RBMS3: variants seen among roughly 807,000 people sequenced by gnomAD.
RBMS3 encodes the protein RNA binding motif single stranded interacting protein 3, also known as RNA-binding motif, single-stranded-interacting protein 3.
Under a neutral mutation model 66.8 loss-of-function variants are expected in RBMS3, and 27 were observed. The ratio of observed to expected loss-of-function variants is 0.40; its 90% CI spans 0.30 to 0.56. The LOEUF (loss-of-function observed/expected upper bound fraction) is 0.56, where lower values mean the gene tolerates loss of function less well. RBMS3 is among the 20% of genes least tolerant of loss of function. RBMS3 has a pLI of 0.40. For missense variants in RBMS3, 513 were observed against 549.5 expected, an observed-to-expected ratio of 0.93 and a Z score of 0.66; for synonymous variants, 188 against 183.0, an observed-to-expected ratio of 1.03 and a Z score of -0.22.
At chr3:29,501,298 T>C (rs76830060) in intron 3 of RBMS3, among the ~76,000 whole-genome samples, 2,206 of 152,310 alleles carry the variant, frequency 0.014, 48 homozygotes, top group African/African-American at 0.05. Context: ...TCCTTTATGG[T>C]GTCCAGGTCA....
At chr3:29,379,229 C>T (rs745958357) in intron 1 of RBMS3, among the ~76,000 whole-genome samples, 1 of 152,132 alleles carries the variant, frequency 6.6e-6, no homozygotes, top group Non-Finnish European at 1.5e-5. Context: ...AAAGCAGTGA[C>T]TCAATGTATT....
chr3:29,336,484 T>C (rs961157737), intron 1 of RBMS3, among the ~76,000 whole-genome samples: 1 of 151,994 alleles, frequency 6.6e-6, no homozygotes, highest in Non-Finnish European at 1.5e-5. Context: ...AATCAACCTG[T>C]GAGACGGTGT....
intron 1 of RBMS3, among the ~76,000 whole-genome samples, chr3:29,417,943 A>G (rs6767109): frequency 0.43 from 65,745 of 151,968 alleles, 14,476 homozygotes; most frequent in African/African-American, 0.52. Flanking sequence ...AATGGAACAC[A>G]TAAGATGTGT....
At chr3:29,496,209 A>AG (rs898744836) in intron 3 of RBMS3, among the ~76,000 whole-genome samples, 1 of 151,180 alleles carries the variant, frequency 6.6e-6, no homozygotes, top group African/African-American at 2.4e-5. Context: ...AAAAAAAAAA[A>AG]AAAAGAAAAA....
intron 1 of RBMS3, among the ~76,000 whole-genome samples, chr3:29,359,164 TATG>T (rs1186101490): frequency 6.6e-6 from 1 of 152,208 alleles, no homozygotes; most frequent in African/African-American, 2.4e-5. Context: ...GCCCATTCAG[TATG>T]ATATTGGCTG....
At chr3:29,526,694 C>G (rs2045124976) in intron 3 of RBMS3, among the ~76,000 whole-genome samples, 2 of 151,810 alleles carry the variant, frequency 1.3e-5, no homozygotes, top group Admixed American at 6.6e-5. Context: ...GACAGCTAAA[C>G]TCTGCCTACT....
chr3:29,820,449 A>G (rs866788948), intron 6 of RBMS3, among the ~76,000 whole-genome samples: 2 of 151,912 alleles, frequency 1.3e-5, no homozygotes, highest in South Asian at 2.1e-4. Flanking sequence ...GATAGATTCC[A>G]TGTTAATTTT....
At chr3:29,485,578 A>G (rs1172870620) in intron 2 of RBMS3, among the ~76,000 whole-genome samples, 1 of 152,152 alleles carries the variant, frequency 6.6e-6, no homozygotes, top group East Asian at 1.9e-4. Flanking sequence ...TACTTTGGCT[A>G]GAGAAGGCCC....
At chr3:29,912,011 A>G (rs940571707) in intron 10 of RBMS3, among the ~76,000 whole-genome samples, 3 of 152,036 alleles carry the variant, frequency 2.0e-5, no homozygotes, top group Non-Finnish European at 2.9e-5. Context: ...AGATAAATAG[A>G]TGATAGAATG....
chr3:30,004,007 C>A lies in RBMS3; in HGVS notation c.*145C>A. 2 of 581,420 alleles carry A rather than the reference C, an allele frequency of 3.4e-6. No individual in the cohort carries two copies. Among genetic ancestry groups the A allele is most frequent in the Non-Finnish European group, 5.2e-6 (2 of 381,940 alleles). The allele number at this position is 581,420 out of a possible 1,614,324, so 36.0% of individuals were successfully genotyped here. On this transcript the variant is annotated 3_prime_UTR_variant, in exon 15 of 15. Coordinates refer to ENST00000383767, the MANE Select transcript of RBMS3 (RefSeq NM_001003793.3). Reference sequence around the variant, plus strand: ...GTTTTTTTTTTAGTGTTATACCTTACCCAATGAAAGCAAAGTTTTTATGTG... The same window carrying A: ...GTTTTTTTTTTAGTGTTATACCTTAACCAATGAAAGCAAAGTTTTTATGTG...
intron 1 of RBMS3, among the ~76,000 whole-genome samples, chr3:29,351,183 G>C (rs900053753): frequency 2.0e-5 from 3 of 151,978 alleles, no homozygotes; most frequent in Non-Finnish European, 2.9e-5. Flanking sequence ...TCTTATGGAG[G>C]CTTTCATTGG....
intron 12 of RBMS3, among the ~76,000 whole-genome samples, chr3:29,962,344 G>A (rs150757980): frequency 6.6e-6 from 1 of 151,800 alleles, no homozygotes; most frequent in Non-Finnish European, 1.5e-5. Flanking sequence ...GGAATAGTTG[G>A]TTATAACTTT....
intron 3 of RBMS3, among the ~76,000 whole-genome samples, chr3:29,584,024 T>A (rs1045931791): frequency 1.3e-5 from 2 of 152,102 alleles, no homozygotes; most frequent in Admixed American, 6.6e-5. Context: ...CCAGCCAAGA[T>A]AACTGCAAAG....
chr3:29,340,724 T>C (rs1252929283), intron 1 of RBMS3, among the ~76,000 whole-genome samples: 1 of 152,180 alleles, frequency 6.6e-6, no homozygotes. Flanking sequence ...TTTTAGGAGA[T>C]GTCAAATATC....
At chr3:29,802,760 G>A (rs1161621367) in intron 6 of RBMS3, among the ~76,000 whole-genome samples, 3 of 152,146 alleles carry the variant, frequency 2.0e-5, no homozygotes, top group African/African-American at 4.8e-5. Context: ...AGGGACAGGT[G>A]ATTGGTGGCC....
chr3:29,522,511 G>T (rs2044899712), intron 3 of RBMS3, among the ~76,000 whole-genome samples: 1 of 151,978 alleles, frequency 6.6e-6, no homozygotes, highest in Non-Finnish European at 1.5e-5. Context: ...AGGTTTCGAG[G>T]GATAGTGGAA....
chr3:29,991,742 A>G (rs914054399), intron 14 of RBMS3: 1 of 152,658 alleles, frequency 6.6e-6, no homozygotes, highest in Non-Finnish European at 1.5e-5. Flanking sequence ...TATTGGAAAA[A>G]TTATAATATT....
intron 3 of RBMS3, among the ~76,000 whole-genome samples, chr3:29,538,166 A>G (rs946084276): frequency 1.3e-5 from 2 of 152,210 alleles, no homozygotes; most frequent in Admixed American, 6.5e-5. Context: ...CTCAAGAAAC[A>G]TGAATAAAGA....
chr3:29,738,698 C>T (rs974858308), intron 4 of RBMS3, among the ~76,000 whole-genome samples: 3 of 152,174 alleles, frequency 2.0e-5, no homozygotes, highest in African/African-American at 7.2e-5. Flanking sequence ...ACACAGATTT[C>T]TTGGCCCACT....
Sources: gnomAD v4.1 joint callset for allele counts (sites outside exome capture counted in the v4.1 genomes callset) on GRCh38, gnomAD v4.1.1 for gene constraint, MANE v1.5 for transcripts, NCBI Gene and HGNC (gene_info 2026-07-23, HGNC 2026-07-21) for gene names.